The following NFATC3 variants were observed in gnomAD, a reference collection of about 807,000 sequenced individuals.
The protein encoded by NFATC3 is nuclear factor of activated T-cells, cytoplasmic 3.
In NFATC3, 46 loss-of-function variants were observed where a neutral mutation model predicts 98.6. The ratio of observed to expected loss-of-function variants is 0.47; its 90% CI spans 0.37 to 0.60. The LOEUF (loss-of-function observed/expected upper bound fraction) is 0.60, where lower values mean the gene tolerates loss of function less well. Ranked by LOEUF, NFATC3 falls within the 20% of genes least tolerant of loss-of-function variation. NFATC3 has a pLI of 0.00. For missense variants in NFATC3, 1,256 were observed against 1,295.5 expected (o/e 0.97, Z 0.47); for synonymous variants, 512 against 472.2 (o/e 1.08, Z -1.09).
intron 1 of NFATC3, among the ~76,000 whole-genome samples, chr16:68,121,247 T>TC (rs199753599): frequency 1.3e-4 from 18 of 137,328 alleles, no homozygotes; most frequent in Non-Finnish European, 1.6e-4. Flanking sequence ...CTTTTCTTTT[T>TC]TTTTTTTTTT....
intron 3 of NFATC3, among the ~76,000 whole-genome samples, chr16:68,130,222 C>T (rs1200908344): frequency 6.6e-6 from 1 of 152,088 alleles, no homozygotes; most frequent in Admixed American, 6.6e-5. Flanking sequence ...TTTTGAGTAA[C>T]CTCCATACTG....
chr16:68,193,447 T>C (rs1410142925), intron 9 of NFATC3, among the ~76,000 whole-genome samples: 1 of 152,118 alleles, frequency 6.6e-6, no homozygotes, highest in Non-Finnish European at 1.5e-5. Flanking sequence ...GGAGGATTAC[T>C]TGAGACTAGG....
intron 2 of NFATC3, among the ~76,000 whole-genome samples, chr16:68,124,895 AT>A (rs2151507282): frequency 6.6e-6 from 1 of 150,868 alleles, no homozygotes; most frequent in Non-Finnish European, 1.5e-5. Flanking sequence ...CGCCTGGCTA[AT>A]TTTTTTGTAT....
intron 4 of NFATC3, among the ~76,000 whole-genome samples, chr16:68,163,201 A>G (rs968040876): frequency 5.9e-5 from 9 of 151,984 alleles, no homozygotes; most frequent in Non-Finnish European, 1.3e-4. Context: ...CCCCCTTTCT[A>G]TTCCACAAAA....
intron 9 of NFATC3, chr16:68,214,217 G>T (rs1476914604): frequency 1.7e-5 from 12 of 703,430 alleles, no homozygotes; most frequent in Non-Finnish European, 3.0e-5. Flanking sequence ...ACAAGTAAAA[G>T]ACAGTTAAAT....
chr16:68,156,798 G>GC (rs1274065861), intron 3 of NFATC3, among the ~76,000 whole-genome samples: 2 of 152,068 alleles, frequency 1.3e-5, no homozygotes, highest in African/African-American at 4.8e-5. Flanking sequence ...AATTAGCCGG[G>GC]CATGTTGGTG....
At chr16:68,188,296 T>TAG (rs2040296075) in intron 8 of NFATC3, among the ~76,000 whole-genome samples, 1 of 152,090 alleles carries the variant, frequency 6.6e-6, no homozygotes, top group African/African-American at 2.4e-5. Flanking sequence ...TGAGTGGCTG[T>TAG]AGCTGCACCC....
At chr16:68,153,390 C>G (rs1162689808) in intron 3 of NFATC3, among the ~76,000 whole-genome samples, 1 of 152,062 alleles carries the variant, frequency 6.6e-6, no homozygotes, top group African/African-American at 2.4e-5. Flanking sequence ...CCATTGCACT[C>G]CAGCCTGGGT....
At chr16:68,199,232 TA>T (rs1202176719) in intron 9 of NFATC3, among the ~76,000 whole-genome samples, 1,648 of 151,016 alleles carry the variant, frequency 0.011, 29 homozygotes, top group African/African-American at 0.038. Context: ...TTTTATTTTT[TA>T]TTTTTTTTGA....
intron 3 of NFATC3, among the ~76,000 whole-genome samples, chr16:68,140,229 G>A (rs1371701188): frequency 1.3e-5 from 2 of 152,092 alleles, no homozygotes. Context: ...CGGAACTCCT[G>A]GCCTCAGGTG....
intron 3 of NFATC3, 83 bp downstream of exon 3, chr16:68,126,693 G>A: frequency 7.2e-7 from 1 of 1,381,172 alleles, no homozygotes; most frequent in Non-Finnish European, 9.9e-7. Flanking sequence ...GTACTAGAGA[G>A]TGCAAAGAGC....
intron 3 of NFATC3, among the ~76,000 whole-genome samples, chr16:68,151,476 T>C (rs2038315594): frequency 6.6e-6 from 1 of 152,186 alleles, no homozygotes; most frequent in Non-Finnish European, 1.5e-5. Flanking sequence ...ATCTTAAAAT[T>C]GCATCTTTTG....
chr16:68,191,390 G>C lies in NFATC3; in HGVS notation c.2721G>C (p.Ser907=). The change falls in exon 9 of 10, where the codon TCG becomes TCC. Residue 907 remains serine, a synonymous_variant. Transcript: ENST00000346183. ...CTGACCAGATTACAGGTCAGCCTTC[G>C]TCTCAGTTACAACCTATTACATATG... ...PVADQITGQP[S]SQLQPITYGP... 6.2e-7 allele frequency: 1 copy of C among 1,614,146 alleles called. No homozygotes were observed. The highest frequency in any genetic ancestry group is 8.5e-7 in the Non-Finnish European group (1 of 1,180,018).
At chr16:68,166,144 T>C (rs9936572) in intron 4 of NFATC3, among the ~76,000 whole-genome samples, 4,349 of 152,338 alleles carry the variant, frequency 0.029, 187 homozygotes, top group African/African-American at 0.095. Context: ...TAGTTACATG[T>C]GTAGAATTAA....
intron 1 of NFATC3, among the ~76,000 whole-genome samples, chr16:68,093,579 G>A (rs1483857613): frequency 6.6e-6 from 1 of 152,152 alleles, no homozygotes; most frequent in Non-Finnish European, 1.5e-5. Flanking sequence ...TGATCATTTT[G>A]TAACTTTTTG....
At chr16:68,142,513 T>C (rs1366132180) in intron 3 of NFATC3, among the ~76,000 whole-genome samples, 1 of 152,034 alleles carries the variant, frequency 6.6e-6, no homozygotes, top group African/African-American at 2.4e-5. Flanking sequence ...ATCCCAACAC[T>C]GGGAGGCGAG....
At chr16:68,088,412 T>C (rs1271338921) in intron 1 of NFATC3, among the ~76,000 whole-genome samples, 61 of 145,438 alleles carry the variant, frequency 4.2e-4, no homozygotes, top group Non-Finnish European at 1.3e-4. Flanking sequence ...ATATAATGTA[T>C]TATATACATT....
At chr16:68,157,111 A>G (rs759364082) in intron 3 of NFATC3, among the ~76,000 whole-genome samples, 7 of 152,036 alleles carry the variant, frequency 4.6e-5, no homozygotes, top group Non-Finnish European at 8.8e-5. Context: ...ATTCAGCCTT[A>G]TGCTAGAAGT....
In NFATC3 at chr16:68,158,054, T is replaced by C. The variant is rs2151576043; in HGVS notation, c.1587T>C (p.Asn529=). The C allele has an allele frequency of 6.2e-7, 1 of 1,612,180 alleles. No homozygotes were observed. Among genetic ancestry groups the C allele is most frequent in the East Asian group, 2.2e-5 (1 of 44,774 alleles). ...TGGAAATTCCACTTCTTCCTGAAAA[T>C]AATATGTCAGCCAGGTATTTTGAAA... is the stretch of plus-strand genomic sequence containing the variant. ...KVLEIPLLPE[N]NMSASIDCAG... is the part of the protein sequence containing the mutation. The change falls in exon 4 of 10, where the codon AAT becomes AAC. Residue 529 remains asparagine, a synonymous_variant. Transcript: ENST00000346183.
Sources: allele counts gnomAD v4.1 joint callset (sites outside exome capture counted in the v4.1 genomes callset), GRCh38; gene constraint gnomAD v4.1.1; transcripts MANE v1.5; gene names NCBI Gene and HGNC (gene_info 2026-07-23, HGNC 2026-07-21).